Variants in SAMD3 observed in about 807,000 individuals in gnomAD.
SAMD3 encodes sterile alpha motif domain-containing protein 3.
Under a neutral mutation model 58.5 loss-of-function variants are expected in SAMD3, and 63 were observed. The ratio of observed to expected loss-of-function variants is 1.08; its 90% confidence interval spans 0.88 to 1.33. SAMD3 has a LOEUF of 1.33. Among genes scored for constraint, SAMD3 ranks in the 40% most tolerant of loss-of-function variants. The pLI is 0.00. For synonymous variants in SAMD3, 220 were observed against 210.3 expected, an observed-to-expected ratio of 1.05 and a Z score of -0.40; for missense variants, 604 against 608.4, an observed-to-expected ratio of 0.99 and a Z score of 0.08.
At chr6:130,319,646 A>C (rs1183551108) in intron 1 of SAMD3, among the ~76,000 whole-genome samples, 6 of 152,206 alleles carry the variant, frequency 3.9e-5, no homozygotes, top group African/African-American at 1.4e-4. Flanking sequence ...TTTCAAGCAT[A>C]AGGCAAATGA....
At chr6:130,352,290 T>C in intron 1 of SAMD3, among the ~76,000 whole-genome samples, 1 of 152,108 alleles carries the variant, frequency 6.6e-6, no homozygotes, top group Non-Finnish European at 1.5e-5. Flanking sequence ...GGAGCTATAT[T>C]AATAAATCAA....
chr6:130,265,049 C>G (rs1041564737), intron 2 of SAMD3, among the ~76,000 whole-genome samples: 1 of 152,186 alleles, frequency 6.6e-6, no homozygotes, highest in Non-Finnish European at 1.5e-5. Flanking sequence ...ACATAAAGTA[C>G]CCCCATGCTG....
chr6:130,209,767 C>T (rs748228288), intron 4 of SAMD3, among the ~76,000 whole-genome samples, 159 bp from the exon 5 acceptor site: 4 of 152,204 alleles, frequency 2.6e-5, no homozygotes, highest in Non-Finnish European at 5.9e-5. Context: ...GGAAAGAAGG[C>T]CCCTCTGGCG....
chr6:130,255,854 T>A (rs2086164), intron 2 of SAMD3, among the ~76,000 whole-genome samples: 1 of 150,254 alleles, frequency 6.7e-6, no homozygotes, highest in African/African-American at 2.5e-5. Flanking sequence ...TTGGGTCTTG[T>A]CTTTTTTTTT....
Position 130,266,396 on chromosome 6 carries a change from C to T in SAMD3, c.-187-43583G>A, listed in dbSNP as rs1030027549. Among the ~76,000 whole-genome samples, 19 of 152,080 alleles carry T rather than the reference C, an allele frequency of 1.2e-4. No homozygotes were observed. In the East Asian group the frequency reaches 2.1e-3, roughly 17 times the overall value. On this transcript the variant is annotated intron_variant, in intron 2 of 13. Transcript: ENST00000368134. ...ATAAACCCAGTTCCTGATGAATTCCCGGCTCAAAAAAAATCACCCTGATAG... is the reference window on the plus strand; with the variant it reads ...ATAAACCCAGTTCCTGATGAATTCCTGGCTCAAAAAAAATCACCCTGATAG...
intron 5 of SAMD3, among the ~76,000 whole-genome samples, chr6:130,207,159 C>CAA (rs376844642): frequency 3.8e-4 from 20 of 52,716 alleles, no homozygotes; most frequent in African/African-American, 1.4e-3. Context: ...CCCATCTCAT[C>CAA]AAAAAAAAAA....
intron 5 of SAMD3, among the ~76,000 whole-genome samples, chr6:130,194,314 C>T (rs1793871525): frequency 6.6e-6 from 1 of 152,222 alleles, no homozygotes; most frequent in African/African-American, 2.4e-5. Context: ...AACCCTGAGA[C>T]ACTTTACAGC....
intron 2 of SAMD3, among the ~76,000 whole-genome samples, chr6:130,307,241 T>C (rs1188047926): frequency 1.3e-5 from 2 of 152,048 alleles, no homozygotes; most frequent in Non-Finnish European, 2.9e-5. Flanking sequence ...CACAAGGGCA[T>C]GAGATCTGTG....
chr6:130,150,637 C>T (rs1362441563), intron 9 of SAMD3, among the ~76,000 whole-genome samples: 1 of 151,894 alleles, frequency 6.6e-6, no homozygotes, highest in Admixed American at 6.6e-5. Context: ...GGTTCTCACT[C>T]ATGAGGCATT....
intron 1 of SAMD3, among the ~76,000 whole-genome samples, chr6:130,339,313 C>A (rs1455239950): frequency 6.6e-6 from 1 of 152,168 alleles, no homozygotes; most frequent in Non-Finnish European, 1.5e-5. Flanking sequence ...TCCCAAAGTG[C>A]TGGGATTACA....
At chr6:130,219,234 A>G (rs1796122740) in intron 1 of SAMD3, among the ~76,000 whole-genome samples, 1 of 152,238 alleles carries the variant, frequency 6.6e-6, no homozygotes, top group Non-Finnish European at 1.5e-5. Flanking sequence ...CAAAGCTAGC[A>G]GACAGCAAAC....
intron 8 of SAMD3, among the ~76,000 whole-genome samples, chr6:130,168,329 G>A (rs1790911769): frequency 6.6e-6 from 1 of 152,142 alleles, no homozygotes; most frequent in Admixed American, 6.5e-5. Flanking sequence ...CAGCTACTCA[G>A]GAGGCTGAGG....
At chr6:130,363,131 A>G (rs746901327) in intron 1 of SAMD3, among the ~76,000 whole-genome samples, 1 of 152,198 alleles carries the variant, frequency 6.6e-6, no homozygotes, top group Non-Finnish European at 1.5e-5. Context: ...TCTATTTCAC[A>G]TCAAGAACAA....
At chr6:130,149,721 G>A (rs1788966345) in intron 9 of SAMD3, among the ~76,000 whole-genome samples, 1 of 152,106 alleles carries the variant, frequency 6.6e-6, no homozygotes, top group African/African-American at 2.4e-5. Context: ...GAGATTAGAG[G>A]GTGGGTGGAA....
At chr6:130,352,702 T>C (rs1007208615) in intron 1 of SAMD3, among the ~76,000 whole-genome samples, 4 of 152,186 alleles carry the variant, frequency 2.6e-5, no homozygotes, top group Non-Finnish European at 5.9e-5. Context: ...AAATTAAACA[T>C]TTTGAATAGT....
chr6:130,350,531 C>T (rs1294077331), intron 1 of SAMD3, among the ~76,000 whole-genome samples: 1 of 152,116 alleles, frequency 6.6e-6, no homozygotes, highest in African/African-American at 2.4e-5. Flanking sequence ...TGAAGGACCT[C>T]TTCAAGGAGA....
chr6:130,250,269 G>A (rs1258951333), intron 2 of SAMD3, among the ~76,000 whole-genome samples: 2 of 152,122 alleles, frequency 1.3e-5, no homozygotes, highest in Non-Finnish European at 2.9e-5. Flanking sequence ...ATCTTCCAAA[G>A]CTTTCCCCCT....
intron 2 of SAMD3, among the ~76,000 whole-genome samples, chr6:130,242,826 A>G (rs61600870): frequency 9.8e-4 from 150 of 152,316 alleles, no homozygotes; most frequent in African/African-American, 3.4e-3. Flanking sequence ...CAGCTTAGGA[A>G]GCACAGTTAG....
chr6:130,214,357 C>T lies in SAMD3; in HGVS notation c.249G>A (p.Met83Ile), dbSNP rs775196123. The change falls in exon 4 of 12, where the codon ATG becomes ATA. Residue 83 changes from methionine to isoleucine, a missense_variant. Physicochemically the swap from Met to Ile is conservative, Grantham distance 10. Transcript: ENST00000439090. ...CTCACTCTCGAGCTGCTTCTGTTTG[C>T]ATGACCAGGGCTGCCTTTTTGGGGT... ...PENPKKAALV[M>I]QTEAARDYRD... 2 of 1,596,180 alleles carry T rather than the reference C, an allele frequency of 1.3e-6. No individual in the cohort carries two copies. The highest frequency in any genetic ancestry group is 2.3e-5 in the South Asian group (2 of 87,400).
Sources: gnomAD v4.1 joint callset for allele counts (sites outside exome capture counted in the v4.1 genomes callset) on GRCh38, gnomAD v4.1.1 for gene constraint, MANE v1.5 for transcripts, NCBI Gene and HGNC (gene_info 2026-07-23, HGNC 2026-07-21) for gene names.